The following ABL1 variants were observed in gnomAD, a reference collection of about 807,000 sequenced individuals.
The protein encoded by ABL1 is tyrosine-protein kinase ABL1.
In ABL1, 11 loss-of-function variants were observed where a neutral mutation model predicts 94.7. The observed-to-expected ratio is 0.12, with a 90% CI of 0.07 to 0.19. The LOEUF (loss-of-function observed/expected upper bound fraction) is 0.19. Among genes scored for constraint, ABL1 ranks in the 10% least tolerant of loss-of-function variants. The probability of loss-of-function intolerance (pLI) is 1.00; values close to 1 mark genes in which losing one functional copy is unlikely to be tolerated. For synonymous variants in ABL1, 656 were observed against 622.4 expected (o/e 1.05, Z -0.80); for missense variants, 1,082 against 1,489.4 (o/e 0.73, Z 4.50).
chr9:130,794,430 C>T (rs1829947970), intron 1 of ABL1, among the ~76,000 whole-genome samples: 1 of 152,090 alleles, frequency 6.6e-6, no homozygotes, highest in South Asian at 2.1e-4. Flanking sequence ...TTGAAAGAGT[C>T]TTTTTTTAAA....
intron 1 of ABL1, among the ~76,000 whole-genome samples, chr9:130,757,100 G>A (rs934464313): frequency 6.6e-6 from 1 of 152,186 alleles, no homozygotes; most frequent in South Asian, 2.1e-4. Flanking sequence ...TGCTTTATAA[G>A]TGAAGAACCT....
intron 3 of ABL1, among the ~76,000 whole-genome samples, chr9:130,857,833 AT>A (rs1830999998): frequency 6.6e-6 from 1 of 152,108 alleles, no homozygotes; most frequent in Admixed American, 6.5e-5. Context: ...AGAGCCTGTT[AT>A]CCCTGTGTGA....
intron 1 of ABL1, among the ~76,000 whole-genome samples, chr9:130,761,952 G>A (rs2132750755): frequency 6.6e-6 from 1 of 152,214 alleles, no homozygotes; most frequent in East Asian, 1.9e-4. Context: ...AGACCAGCCT[G>A]ACGAACGTGG....
chr9:130,713,495 G>T (rs35983211), exon 1 of ABL1, among the ~76,000 whole-genome samples: 4 of 148,200 alleles, frequency 2.7e-5, no homozygotes, highest in Non-Finnish European at 6.0e-5. Flanking sequence ...GCCCCAAGCC[G>T]CCCCTTATTC....
chr9:130,782,360 C>T (rs113623625), intron 1 of ABL1, among the ~76,000 whole-genome samples: 7 of 152,086 alleles, frequency 4.6e-5, no homozygotes, highest in African/African-American at 1.4e-4. Context: ...TGTACCTGGC[C>T]GATATTTTCT....
rs1831602959 is a variant in ABL1 at position 130,887,294 on chromosome 9, A to G, written c.*1611A>G. On this transcript the variant is annotated 3_prime_UTR_variant, in exon 11 of 11. Transcript: ENST00000318560. ...GATCGTTTTATGCGGTTCTTACAGC[A>G]CATCACCTCTTTGCCCCCGACGGCT... The G allele has an allele frequency of 4.3e-6, 1 of 233,160 alleles. No homozygotes were observed. The highest frequency in any genetic ancestry group is 6.0e-5 in the East Asian group (1 of 16,602). 14.4% of individuals were successfully genotyped at this position (233,160 alleles called of 1,614,324 possible).
intron 1 of ABL1, among the ~76,000 whole-genome samples, chr9:130,816,176 T>G (rs1247851401): frequency 6.6e-6 from 1 of 152,134 alleles, no homozygotes; most frequent in African/African-American, 2.4e-5. Context: ...TTGCTCTTGC[T>G]TGAATGATCC....
At chr9:130,846,272 CTG>C (rs1386240856) in intron 1 of ABL1, among the ~76,000 whole-genome samples, 2 of 152,160 alleles carry the variant, frequency 1.3e-5, no homozygotes, top group South Asian at 2.1e-4. Flanking sequence ...TTGTTTGAGA[CTG>C]TTATAAAATA....
At chr9:130,779,532 C>T (rs771630197) in intron 1 of ABL1, among the ~76,000 whole-genome samples, 2 of 152,112 alleles carry the variant, frequency 1.3e-5, no homozygotes, top group African/African-American at 2.4e-5. Context: ...TATTCCCCAA[C>T]GCTAAAGACC....
At chr9:130,747,528 C>T (rs1289144261) in intron 1 of ABL1, among the ~76,000 whole-genome samples, 3 of 152,184 alleles carry the variant, frequency 2.0e-5, no homozygotes, top group Non-Finnish European at 4.4e-5. Context: ...ATTCTCCTGC[C>T]TCAGTCTCCC....
chr9:130,761,754 A>T (rs1361355131), intron 1 of ABL1, among the ~76,000 whole-genome samples: 1 of 152,228 alleles, frequency 6.6e-6, no homozygotes, highest in Non-Finnish European at 1.5e-5. Flanking sequence ...TTTAGTATAC[A>T]GGAAAGTTAC....
intron 1 of ABL1, among the ~76,000 whole-genome samples, chr9:130,838,327 C>T (rs2132921920): frequency 6.6e-6 from 1 of 152,282 alleles, no homozygotes; most frequent in African/African-American, 2.4e-5. Context: ...AGAAACTCCT[C>T]CAATTAATCC....
Position 130,863,020 on chromosome 9 carries a change from C to T in ABL1, c.807C>T (p.Ala269=), listed in dbSNP as rs148722778. The T allele has an allele frequency of 2.6e-4, 410 of 1,605,342 alleles. No homozygotes were observed. Among genetic ancestry groups the T allele is most frequent in the Non-Finnish European group, 3.3e-4 (385 of 1,173,880 alleles). The change falls in exon 4 of 11, where the codon GCC becomes GCT. Residue 269 remains alanine, a synonymous_variant. Coordinates refer to ENST00000318560, the MANE Select transcript of ABL1 (RefSeq NM_005157.6). The surrounding 1 kb of genome is among the most constrained non-coding windows in gnomAD (Gnocchi z 4.3). ...GVWKKYSLTV[A]VKTLKEDTME... ...GGAAGAAATACAGCCTGACGGTGGC[C>T]GTGAAGACCTTGAAGGTAGGCTGGG... is the stretch of plus-strand genomic sequence containing the variant.
intron 1 of ABL1, among the ~76,000 whole-genome samples, chr9:130,718,179 G>T (rs1356537445): frequency 6.6e-6 from 1 of 151,788 alleles, no homozygotes. Context: ...TTAGATGGGC[G>T]TGGTGGCATG....
At chr9:130,813,561 CAAAAAAAAAAAAAAAAA>C (rs57194587) in intron 1 of ABL1, among the ~76,000 whole-genome samples, 1 of 60,642 alleles carries the variant, frequency 1.6e-5, no homozygotes, top group Non-Finnish European at 3.2e-5. Context: ...ACTCCATCTC[CAAAAAAAAAAAAAAAAA>C]AAAAAAAGAA....
intron 1 of ABL1, among the ~76,000 whole-genome samples, chr9:130,757,644 T>A (rs1215146025): frequency 2.0e-5 from 3 of 148,892 alleles, no homozygotes; most frequent in African/African-American, 7.4e-5. Context: ...GTTCAAGTGA[T>A]TCTTCTGCCT....
At chr9:130,762,083 T>C (rs2855170) in intron 1 of ABL1, among the ~76,000 whole-genome samples, 78,179 of 149,916 alleles carry the variant, frequency 0.52, 21,787 homozygotes, top group African/African-American at 0.72. Flanking sequence ...GCGAAGTTTG[T>C]GGGGACCCAA....
chr9:130,806,291 A>G (rs970519168), intron 1 of ABL1, among the ~76,000 whole-genome samples: 1 of 152,204 alleles, frequency 6.6e-6, no homozygotes, highest in African/African-American at 2.4e-5. Flanking sequence ...TCAACCCACA[A>G]GGAGCTCACA....
At chr9:130,731,396 T>C (rs989932217) in intron 1 of ABL1, among the ~76,000 whole-genome samples, 4 of 152,186 alleles carry the variant, frequency 2.6e-5, no homozygotes, top group Non-Finnish European at 5.9e-5. Flanking sequence ...TTTTTTGTGG[T>C]CTGTGTAAGA....
Sources: allele counts gnomAD v4.1 joint callset (sites outside exome capture counted in the v4.1 genomes callset), GRCh38; gene constraint gnomAD v4.1.1; non-coding constraint Gnocchi (gnomAD v3.1); transcripts MANE v1.5; gene names NCBI Gene and HGNC (gene_info 2026-07-23, HGNC 2026-07-21).